Variants in STARD13 observed in about 807,000 individuals in gnomAD.
STARD13 encodes the protein stAR-related lipid transfer protein 13.
Under a neutral mutation model 106.4 loss-of-function variants are expected in STARD13, and 62 were observed. The ratio of observed to expected loss-of-function variants is 0.58; its 90% CI spans 0.48 to 0.72. The LOEUF (loss-of-function observed/expected upper bound fraction) is 0.72, where lower values mean the gene tolerates loss of function less well. STARD13 is among the 30% of genes least tolerant of loss of function. The pLI is 0.00. For missense variants in STARD13, 1,387 were observed against 1,424.0 expected, an observed-to-expected ratio of 0.97 and a Z score of 0.42; for synonymous variants, 565 against 553.0, an observed-to-expected ratio of 1.02 and a Z score of -0.31.
At chr13:33,440,027 C>A in the STARD13 span, among the ~76,000 whole-genome samples, 1 of 152,256 alleles carries the variant, frequency 6.6e-6, no homozygotes, top group Admixed American at 6.5e-5. Context: ...GTAATCCCAG[C>A]AATTCAGCAG....
At chr13:33,396,128 C>T in the STARD13 span, among the ~76,000 whole-genome samples, 1 of 152,292 alleles carries the variant, frequency 6.6e-6, no homozygotes, top group East Asian at 1.9e-4. Context: ...GCTGGGACTA[C>T]AGGCATGTGC....
intron 2 of STARD13, among the ~76,000 whole-genome samples, chr13:33,166,580 G>A (rs955940360): frequency 6.6e-6 from 1 of 152,144 alleles, no homozygotes; most frequent in Non-Finnish European, 1.5e-5. Flanking sequence ...CCTGCCACCT[G>A]CTCATTGTTG....
At chr13:33,640,758 C>G in the STARD13 span, among the ~76,000 whole-genome samples, 1 of 152,114 alleles carries the variant, frequency 6.6e-6, no homozygotes, top group Non-Finnish European at 1.5e-5. Context: ...TGGGACTGAT[C>G]CCAATCTCAG....
chr13:33,317,094 T>C (rs1594255073), intron 1 of STARD13, among the ~76,000 whole-genome samples: 1 of 152,268 alleles, frequency 6.6e-6, no homozygotes, highest in East Asian at 1.9e-4. Context: ...GCTCATTCCC[T>C]GTCCTCCTCT....
chr13:33,614,078 A>G, the STARD13 span, among the ~76,000 whole-genome samples: 4 of 152,168 alleles, frequency 2.6e-5, no homozygotes, highest in Non-Finnish European at 5.9e-5. Context: ...GTGGAAGCCA[A>G]TTAAATGTTT....
intron 1 of STARD13, among the ~76,000 whole-genome samples, chr13:33,293,563 G>A (rs577673736): frequency 6.6e-6 from 1 of 152,292 alleles, no homozygotes; most frequent in African/African-American, 2.4e-5. Flanking sequence ...AATACTGAGT[G>A]TCAACTTGAC....
At chr13:33,669,012 G>T in the STARD13 span, among the ~76,000 whole-genome samples, 467 of 152,320 alleles carry the variant, frequency 3.1e-3, 2 homozygotes, top group Non-Finnish European at 4.8e-3. Context: ...AAAATGGACA[G>T]AGAAAAGTTA....
the STARD13 span, among the ~76,000 whole-genome samples, chr13:33,640,021 A>T: frequency 6.6e-6 from 1 of 152,164 alleles, no homozygotes; most frequent in Non-Finnish European, 1.5e-5. Flanking sequence ...TTGCCTGGGG[A>T]TAGTGAGTCA....
chr13:33,219,817 AAAAAAAAAAG>A (rs939908258), intron 1 of STARD13, among the ~76,000 whole-genome samples: 1 of 146,912 alleles, frequency 6.8e-6, no homozygotes, highest in Non-Finnish European at 1.5e-5. Flanking sequence ...AACAAACAAA[AAAAAAAAAAG>A]AAAGAAAGAA....
chr13:33,657,657 T>C, the STARD13 span, among the ~76,000 whole-genome samples: 3 of 152,268 alleles, frequency 2.0e-5, no homozygotes, highest in Non-Finnish European at 4.4e-5. Context: ...CTTCCTTTAG[T>C]GTCATTAACA....
upstream of STARD13, among the ~76,000 whole-genome samples, chr13:33,288,554 C>T (rs1379744874): frequency 1.3e-5 from 2 of 151,092 alleles, no homozygotes; most frequent in Non-Finnish European, 2.9e-5. Flanking sequence ...GGATTACAGG[C>T]GTGACCAATC....
At chr13:33,541,906 A>G in the STARD13 span, among the ~76,000 whole-genome samples, 2 of 152,352 alleles carry the variant, frequency 1.3e-5, no homozygotes, top group South Asian at 2.1e-4. Flanking sequence ...AGAAACTACT[A>G]TGGTCCTCCA....
chr13:33,371,663 C>T, the STARD13 span, among the ~76,000 whole-genome samples: 5 of 152,256 alleles, frequency 3.3e-5, no homozygotes, highest in South Asian at 2.1e-4. Context: ...AGAGAATGTT[C>T]GGTTGGTCCC....
At chr13:33,364,705 C>T in the STARD13 span, among the ~76,000 whole-genome samples, 1 of 152,076 alleles carries the variant, frequency 6.6e-6, no homozygotes, top group Non-Finnish European at 1.5e-5. Flanking sequence ...CTGGCTAACA[C>T]GGTGAAACCC....
chr13:33,415,241 G>A, the STARD13 span, among the ~76,000 whole-genome samples: 2 of 152,122 alleles, frequency 1.3e-5, no homozygotes, highest in African/African-American at 4.8e-5. Context: ...GGTGGCGGGC[G>A]CCTGTAGTCC....
upstream of STARD13, among the ~76,000 whole-genome samples, chr13:33,290,039 C>T (rs1892232939): frequency 6.6e-6 from 1 of 152,148 alleles, no homozygotes; most frequent in African/African-American, 2.4e-5. Flanking sequence ...GACCTCTAAG[C>T]AAAACTTTTG....
intron 1 of STARD13, among the ~76,000 whole-genome samples, chr13:33,285,002 C>G (rs1178768939): frequency 1.3e-5 from 2 of 152,250 alleles, no homozygotes; most frequent in African/African-American, 4.8e-5. Context: ...TAGTGCTTAG[C>G]CTGGTGGCCT....
At chr13:33,554,744 G>A in the STARD13 span, among the ~76,000 whole-genome samples, 1 of 152,262 alleles carries the variant, frequency 6.6e-6, no homozygotes, top group African/African-American at 2.4e-5. Context: ...GAAAAGTGAG[G>A]TCCAGAGAGG....
At chr13:33,385,588 G>A in the STARD13 span, among the ~76,000 whole-genome samples, 9 of 151,356 alleles carry the variant, frequency 5.9e-5, no homozygotes, top group East Asian at 1.9e-4. Context: ...GGCTGGGCGC[G>A]GTGGCTCACG....
Sources: allele counts gnomAD v4.1 joint callset (sites outside exome capture counted in the v4.1 genomes callset), GRCh38; gene constraint gnomAD v4.1.1; transcripts MANE v1.5; gene names NCBI Gene and HGNC (gene_info 2026-07-23, HGNC 2026-07-21).